The following SPAG9 variants were observed in gnomAD, a reference collection of about 807,000 sequenced individuals.
The protein encoded by SPAG9 is C-Jun-amino-terminal kinase-interacting protein 4.
A neutral mutation model predicts 166.5 loss-of-function variants in SPAG9; 35 were observed. The observed-to-expected ratio is 0.21, with a 90% confidence interval of 0.16 to 0.28. The LOEUF is 0.28. Among genes scored for constraint, SPAG9 ranks in the 10% least tolerant of loss-of-function variants. The pLI is 1.00. For missense variants in SPAG9, 1,235 were observed against 1,603.3 expected, an observed-to-expected ratio of 0.77 and a Z score of 3.92; for synonymous variants, 534 against 565.5, an observed-to-expected ratio of 0.94 and a Z score of 0.79.
At chr17:51,060,356 A>T (rs1313618171) in intron 2 of SPAG9, among the ~76,000 whole-genome samples, 1 of 151,954 alleles carries the variant, frequency 6.6e-6, no homozygotes, top group Non-Finnish European at 1.5e-5. Context: ...TACAAAAATT[A>T]GCCAGGCGTC....
At chr17:50,978,839 C>T (rs1229285716) in intron 26 of SPAG9, among the ~76,000 whole-genome samples, 1 of 152,052 alleles carries the variant, frequency 6.6e-6, no homozygotes, top group Non-Finnish European at 1.5e-5. Context: ...GTCACCTCAC[C>T]TAAAGGCAAC....
chr17:50,970,250 G>T (rs1973677813), intron 29 of SPAG9, among the ~76,000 whole-genome samples: 1 of 152,052 alleles, frequency 6.6e-6, no homozygotes. Flanking sequence ...GGGTGCGGTG[G>T]CTCGGGCTTG....
At chr17:51,067,689 T>C (rs1192311176) in intron 2 of SPAG9, among the ~76,000 whole-genome samples, 4 of 151,600 alleles carry the variant, frequency 2.6e-5, no homozygotes, top group South Asian at 4.2e-4. Context: ...ATTTTTAAAA[T>C]TGCTAATTTT....
At chr17:51,080,329 G>A (rs1404337217) in intron 1 of SPAG9, among the ~76,000 whole-genome samples, 1 of 148,090 alleles carries the variant, frequency 6.8e-6, no homozygotes, top group Non-Finnish European at 1.5e-5. Flanking sequence ...CTACCAGGAT[G>A]TTTTCTTGTT....
intron 5 of SPAG9, 114 bp from the exon 6 acceptor site, chr17:51,031,836 A>T: frequency 1.3e-6 from 1 of 797,260 alleles, no homozygotes; most frequent in South Asian, 1.5e-5. Context: ...TCTATTATCT[A>T]CTGTGTTTAA....
At chr17:51,093,314 G>C (rs936034420) in intron 1 of SPAG9, among the ~76,000 whole-genome samples, 3 of 151,700 alleles carry the variant, frequency 2.0e-5, no homozygotes, top group Non-Finnish European at 4.4e-5. Flanking sequence ...TGCAGAAAGG[G>C]GCATGTACAA....
chr17:51,071,478 T>C (rs770711491), intron 2 of SPAG9, among the ~76,000 whole-genome samples: 6 of 152,194 alleles, frequency 3.9e-5, no homozygotes, highest in South Asian at 2.1e-4. Context: ...AGGAATAATA[T>C]ACAGCATTTT....
chr17:51,090,223 C>A (rs1250525432), intron 1 of SPAG9, among the ~76,000 whole-genome samples: 1 of 152,000 alleles, frequency 6.6e-6, no homozygotes, highest in African/African-American at 2.4e-5. Context: ...GTAAAAAAGA[C>A]AAGTAAGATT....
At chr17:51,116,936 G>A (rs1306883496) in intron 1 of SPAG9, among the ~76,000 whole-genome samples, 3 of 152,162 alleles carry the variant, frequency 2.0e-5, no homozygotes, top group African/African-American at 7.2e-5. Context: ...TAGAGCATGG[G>A]CAAAGGCATC....
chr17:51,017,156 GAA>G (rs934741108), intron 8 of SPAG9, among the ~76,000 whole-genome samples: 6 of 152,252 alleles, frequency 3.9e-5, no homozygotes, highest in African/African-American at 1.4e-4. Flanking sequence ...ACAAAATACA[GAA>G]AAGGATTTAA....
At chr17:51,091,507 G>GT (rs2048464814) in intron 1 of SPAG9, among the ~76,000 whole-genome samples, 1 of 151,618 alleles carries the variant, frequency 6.6e-6, no homozygotes. Flanking sequence ...TGTTGTTGTT[G>GT]TTGTTTGCAT....
intron 2 of SPAG9, among the ~76,000 whole-genome samples, chr17:51,067,344 C>T (rs1038475452): frequency 2.6e-5 from 4 of 152,026 alleles, no homozygotes; most frequent in Non-Finnish European, 5.9e-5. Context: ...GTCCTGAATG[C>T]CACTAAGGAA....
At chr17:51,057,387 T>C (rs142115623) in intron 2 of SPAG9, among the ~76,000 whole-genome samples, 30 of 152,328 alleles carry the variant, frequency 2.0e-4, no homozygotes, top group African/African-American at 3.8e-4. Flanking sequence ...CTTAGCATAG[T>C]TGAAAATGTT....
intron 1 of SPAG9, among the ~76,000 whole-genome samples, chr17:51,098,339 C>T (rs750117412): frequency 2.0e-5 from 3 of 151,588 alleles, no homozygotes; most frequent in Admixed American, 6.6e-5. Context: ...TTTTTTTCCA[C>T]TCTTAAGCAA....
chr17:51,049,594 G>A (rs190425560), intron 3 of SPAG9, among the ~76,000 whole-genome samples: 1 of 152,220 alleles, frequency 6.6e-6, no homozygotes, highest in East Asian at 1.9e-4. Context: ...TGGGAAGATC[G>A]TTTGAGCCAG....
chr17:51,118,459 C>T (rs117872285), intron 1 of SPAG9, among the ~76,000 whole-genome samples: 1 of 152,230 alleles, frequency 6.6e-6, no homozygotes, highest in Non-Finnish European at 1.5e-5. Context: ...GGCATTTTGC[C>T]CATATTTACA....
chr17:51,006,108 T>C lies in SPAG9; in HGVS notation c.1401A>G (p.Arg467=). The C allele has an allele frequency of 1.2e-6, 2 of 1,614,192 alleles. No individual in the cohort carries two copies. The highest frequency in any genetic ancestry group is 1.1e-5 in the South Asian group (1 of 91,086). Residue 467 remains arginine, a synonymous_variant, in exon 11 of 30, where the codon AGA becomes AGG. Transcript: ENST00000262013. ...QAKLKLEEKN[R]ELEEELRKAR... is the part of the protein sequence containing the mutation. ...ACTTCCTAAGCTCTTCCTCCAATTC[T>C]CTGTTCTTTTCCTCTAGTTTCAGTT...
intron 2 of SPAG9, among the ~76,000 whole-genome samples, chr17:51,056,776 C>A (rs1266838866): frequency 6.6e-6 from 1 of 151,920 alleles, no homozygotes. Flanking sequence ...AAACACAAAT[C>A]ACCTCATCAA....
chr17:51,014,819 G>A (rs2045632921), intron 8 of SPAG9, among the ~76,000 whole-genome samples: 1 of 144,100 alleles, frequency 6.9e-6, no homozygotes, highest in Non-Finnish European at 1.5e-5. Flanking sequence ...AACATAAATA[G>A]AGCTTTATAA....
Sources: allele counts gnomAD v4.1 joint callset (sites outside exome capture counted in the v4.1 genomes callset), GRCh38; gene constraint gnomAD v4.1.1; transcripts MANE v1.5; gene names NCBI Gene and HGNC (gene_info 2026-07-23, HGNC 2026-07-21).